Variants in TP53BP2 observed in about 807,000 individuals in gnomAD.
The protein encoded by TP53BP2 is tumor protein p53 binding protein 2.
Under a neutral mutation model 126.2 loss-of-function variants are expected in TP53BP2, and 62 were observed. The observed-to-expected ratio is 0.49, with a 90% CI of 0.40 to 0.61. TP53BP2 has a LOEUF of 0.61. TP53BP2 is among the 20% of genes least tolerant of loss of function. The pLI, the probability that TP53BP2 is intolerant of heterozygous loss-of-function variation, is 0.00. For missense variants in TP53BP2, 1,215 were observed against 1,402.8 expected, an observed-to-expected ratio of 0.87 and a Z score of 2.14; for synonymous variants, 485 against 502.9, an observed-to-expected ratio of 0.96 and a Z score of 0.48.
chr1:223,802,265 G>C lies in TP53BP2; in HGVS notation c.1076C>G (p.Ser359Trp). 1 of 1,614,196 alleles carries C rather than the reference G, an allele frequency of 6.2e-7. No homozygotes were observed. The highest frequency in any genetic ancestry group is 1.1e-5 in the South Asian group (1 of 91,060). Reference protein sequence around the residue: ...RVAAVGPYIQSSTMPRMPSRP... With the variant: ...RVAAVGPYIQWSTMPRMPSRP... ...TGAGGGCATCCGAGGCATAGTAGACGACTGGATATAGGGACCTACTGCAGC... is the reference window on the plus strand; with the variant it reads ...TGAGGGCATCCGAGGCATAGTAGACCACTGGATATAGGGACCTACTGCAGC... The change falls in exon 9 of 18, where the codon TCG (serine) becomes TGG (tryptophan). Residue 359 changes from serine to tryptophan, a missense_variant. By Grantham distance (177) the Ser-to-Trp change is radical. Transcript: ENST00000343537.
At chr1:223,810,660 T>C in intron 3 of TP53BP2, 147 bp from the exon 4 acceptor site, 1 of 634,522 alleles carries the variant, frequency 1.6e-6, no homozygotes, top group East Asian at 2.8e-5. Context: ...AGCAATGGAC[T>C]TAAGGTCTCA....
chr1:223,845,525 G>T, intron 1 of TP53BP2, 129 bp downstream of exon 1: 2 of 1,064,534 alleles, frequency 1.9e-6, no homozygotes, highest in Non-Finnish European at 2.5e-6. Flanking sequence ...AGCTCGGAAA[G>T]CCCCGGCCCC....
At position 223,842,745 on chromosome 1, in the gene TP53BP2, G is replaced by A. The variant is rs141886238; in HGVS notation, c.27+2909C>T. Among the ~76,000 whole-genome samples the A allele has an allele frequency of 4.6e-3, 700 of 152,280 alleles. 29 individuals carry two copies. In the East Asian group the frequency reaches 0.1, roughly 23 times the overall value. On this transcript the variant is annotated intron_variant, in intron 1 of 17. Transcript: ENST00000343537. Reference sequence around the variant, plus strand: ...AAGTAGTGAATAAAAGATATCTAATGTAATTTTCAAACGACTAAGAATTTT... The same window carrying A: ...AAGTAGTGAATAAAAGATATCTAATATAATTTTCAAACGACTAAGAATTTT...
chr1:223,845,682 G>A lies in TP53BP2; in HGVS notation c.-2C>T, dbSNP rs1329031458. The A allele has an allele frequency of 6.5e-7, 1 of 1,548,286 alleles. No individual in the cohort carries two copies. The highest frequency in any genetic ancestry group is 1.2e-5 in the South Asian group (1 of 84,962). Reference sequence around the variant, plus strand: ...CATCATCTTGGACCCGAACCGCATGGAAGCGGGTGGCCAGACTGCGGCCCC... The same window carrying A: ...CATCATCTTGGACCCGAACCGCATGAAAGCGGGTGGCCAGACTGCGGCCCC... On this transcript the variant is annotated 5_prime_UTR_variant, in exon 1 of 18. Transcript: ENST00000343537.
Position 223,798,461 on chromosome 1 carries a change from C to T in TP53BP2, c.1702G>A (p.Val568Ile), listed in dbSNP as rs772997545. 1.9e-6 allele frequency: 3 copies of T among 1,614,150 alleles called. No homozygotes were observed. In the South Asian group the frequency reaches 3.3e-5, roughly 18 times the overall value. Residue 568 changes from valine (V) to isoleucine (I), a missense_variant, in exon 12 of 18, where the codon GTT becomes ATT. Around this residue, in one of 4 missense-constraint regions of TP53BP2, gnomAD observed 814 missense variants for 853.0 expected, o/e 0.95. Coordinates refer to ENST00000343537, the MANE Select transcript of TP53BP2 (RefSeq NM_001031685.3). ...GGAGAAAGGGTCTGGTCTTGGCCAA[C>T]CGAAGGTATGCTGGGAGATAGCAGC... ...RVLLSPSIPS[V>I]GQDQTLSPGS...
At chr1:223,805,570 A>G (rs1489965696) in intron 5 of TP53BP2, among the ~76,000 whole-genome samples, 2 of 152,226 alleles carry the variant, frequency 1.3e-5, no homozygotes, top group Non-Finnish European at 2.9e-5. Flanking sequence ...CAGGAACCCT[A>G]GGAAGTATGA....
chr1:223,783,986 C>T (rs1661861391), intron 17 of TP53BP2, 129 bp downstream of exon 17: 1 of 814,434 alleles, frequency 1.2e-6, no homozygotes, highest in Admixed American at 2.1e-5. Flanking sequence ...CTAAGACTAT[C>T]AAAATGTTTA....
intron 14 of TP53BP2, among the ~76,000 whole-genome samples, chr1:223,792,750 T>TA (rs1390191641): frequency 2.0e-5 from 3 of 151,550 alleles, no homozygotes; most frequent in East Asian, 1.9e-4. Flanking sequence ...AGGTTTTTTT[T>TA]AAAAAAAGGA....
intron 1 of TP53BP2, among the ~76,000 whole-genome samples, chr1:223,823,099 A>C (rs565626122): frequency 6.6e-6 from 1 of 152,336 alleles, no homozygotes; most frequent in African/African-American, 2.4e-5. Flanking sequence ...TTGGGTTTTA[A>C]GACTGCAAAA....
intron 3 of TP53BP2, among the ~76,000 whole-genome samples, chr1:223,812,449 C>G (rs1396619918): frequency 6.6e-6 from 1 of 151,908 alleles, no homozygotes; most frequent in Non-Finnish European, 1.5e-5. Flanking sequence ...ATGGTGTGAT[C>G]TCGGCTCACT....
intron 16 of TP53BP2, among the ~76,000 whole-genome samples, chr1:223,784,945 C>G: frequency 6.6e-6 from 1 of 152,174 alleles, no homozygotes; most frequent in Non-Finnish European, 1.5e-5. Flanking sequence ...AATCCTCAAA[C>G]TAGGAAGGGA....
At chr1:223,799,064 T>G (rs1662440847) in intron 11 of TP53BP2, among the ~76,000 whole-genome samples, 1 of 152,178 alleles carries the variant, frequency 6.6e-6, no homozygotes, top group Non-Finnish European at 1.5e-5. Context: ...AGAACAAGAC[T>G]CCATCTCGGA....
chr1:223,811,710 T>A (rs754538777), intron 3 of TP53BP2, among the ~76,000 whole-genome samples: 6 of 152,202 alleles, frequency 3.9e-5, no homozygotes, highest in Non-Finnish European at 8.8e-5. Flanking sequence ...AAAAAGAATA[T>A]GGTGACAGTC....
intron 1 of TP53BP2, 138 bp from the exon 2 acceptor site, chr1:223,821,505 A>G: frequency 8.4e-7 from 1 of 1,190,222 alleles, no homozygotes; most frequent in Non-Finnish European, 1.2e-6. Context: ...CACCCGGCCA[A>G]AGGTGAGGTG....
At chr1:223,813,952 T>C (rs1662998406) in intron 3 of TP53BP2, among the ~76,000 whole-genome samples, 1 of 152,234 alleles carries the variant, frequency 6.6e-6, no homozygotes, top group Middle Eastern at 3.2e-3. Context: ...CTTCCTCTTG[T>C]CTAAGAGGAC....
intron 4 of TP53BP2, among the ~76,000 whole-genome samples, chr1:223,810,175 A>G (rs184800272): frequency 1.1e-4 from 16 of 152,356 alleles, no homozygotes; most frequent in Admixed American, 2.0e-4. Flanking sequence ...AAATCACCAA[A>G]TAAGAAATAC....
intron 5 of TP53BP2, among the ~76,000 whole-genome samples, chr1:223,805,968 C>T (rs1035904803): frequency 3.3e-5 from 5 of 152,128 alleles, no homozygotes; most frequent in African/African-American, 7.2e-5. Flanking sequence ...GCTTTTGGGT[C>T]AGATTGGAAG....
chr1:223,799,104 A>C (rs956314648), intron 11 of TP53BP2, among the ~76,000 whole-genome samples: 2 of 152,066 alleles, frequency 1.3e-5, no homozygotes, highest in African/African-American at 4.8e-5. Flanking sequence ...CATATTTTTT[A>C]ATTGTTAATT....
intron 14 of TP53BP2, 131 bp from the exon 15 acceptor site, chr1:223,792,653 C>G: frequency 1.2e-6 from 1 of 829,126 alleles, no homozygotes; most frequent in Non-Finnish European, 1.8e-6. Flanking sequence ...TAATTAAAAC[C>G]TATAGGAGCC....
Sources: gnomAD v4.1 joint callset for allele counts (sites outside exome capture counted in the v4.1 genomes callset) on GRCh38, gnomAD v4.1.1 for gene constraint, gnomAD v4.1.1 regional missense constraint, MANE v1.5 for transcripts, NCBI Gene and HGNC (gene_info 2026-07-23, HGNC 2026-07-21) for gene names.